The following CCDC93 variants were observed in gnomAD, a reference collection of about 807,000 sequenced individuals.
CCDC93 encodes the protein CCC complex scaffolding subunit CCDC93.
A neutral mutation model predicts 108.2 loss-of-function variants in CCDC93; 61 were observed. The observed-to-expected ratio is 0.56, with a 90% CI of 0.46 to 0.70. CCDC93 has a LOEUF of 0.70. Ranked by LOEUF, CCDC93 falls within the 30% of genes least tolerant of loss-of-function variation. CCDC93 has a pLI of 0.00. For synonymous variants in CCDC93, 276 were observed against 260.4 expected (o/e 1.06, Z -0.58); for missense variants, 685 against 764.2 (o/e 0.90, Z 1.22).
chr2:117,969,640 G>A (rs1679696869), intron 11 of CCDC93, among the ~76,000 whole-genome samples: 1 of 146,788 alleles, frequency 6.8e-6, no homozygotes, highest in Admixed American at 7.1e-5. Context: ...ACCAGGCCTT[G>A]TTGCAAAACA....
chr2:117,932,572 G>A (rs1020829208), intron 22 of CCDC93, among the ~76,000 whole-genome samples: 7 of 152,272 alleles, frequency 4.6e-5, no homozygotes, highest in Middle Eastern at 3.4e-3. Flanking sequence ...GTCTGCATAC[G>A]GATGCCTGGT....
intron 7 of CCDC93, among the ~76,000 whole-genome samples, chr2:117,984,916 G>A (rs1231657204): frequency 2.0e-5 from 3 of 152,152 alleles, no homozygotes; most frequent in Non-Finnish European, 4.4e-5. Context: ...TGTTGTTGTT[G>A]TCTTTAAATT....
intron 11 of CCDC93, among the ~76,000 whole-genome samples, chr2:117,971,791 G>C (rs955949687): frequency 6.6e-6 from 1 of 152,146 alleles, no homozygotes; most frequent in Non-Finnish European, 1.5e-5. Context: ...CAACTATGAA[G>C]ATCTGGGAAC....
intron 11 of CCDC93, among the ~76,000 whole-genome samples, chr2:117,965,836 T>TC (rs909818729): frequency 4.0e-5 from 6 of 151,804 alleles, no homozygotes; most frequent in African/African-American, 1.5e-4. Flanking sequence ...ATCTAATCAC[T>TC]CTTTCACATG....
At chr2:117,942,031 C>T (rs1678717630) in intron 18 of CCDC93, among the ~76,000 whole-genome samples, 2 of 152,242 alleles carry the variant, frequency 1.3e-5, no homozygotes, top group Non-Finnish European at 2.9e-5. Context: ...AGATGTGAAT[C>T]TCTAATTCAC....
rs773665335 is a variant in CCDC93, at chr2:118,000,953, G to A, written c.252-21C>T. 3.4e-6 allele frequency: 5 copies of A among 1,471,510 alleles called. No individual in the cohort carries two copies. The South Asian group carries it at 5.7e-5, about 17-fold the overall frequency. The allele number at this position is 1,471,510 out of a possible 1,614,324, so 91.2% of individuals were successfully genotyped here. A position where few individuals can be genotyped will look rare whatever the true frequency, so the allele number is the denominator to read the frequency against. ...GAGCTCTGTTCAGAAAAAGTAACAA[G>A]CAAAGAGTGAGGCATACTAAGTAGC... On this transcript the variant is annotated intron_variant, in intron 3 of 23. Coordinates refer to ENST00000376300, the MANE Select transcript of CCDC93 (RefSeq NM_019044.5).
chr2:117,941,050 C>T, intron 19 of CCDC93, 139 bp downstream of exon 19: 1 of 634,068 alleles, frequency 1.6e-6, no homozygotes, highest in South Asian at 1.8e-5. Context: ...GCCAAGTGGG[C>T]CTGCTGATGA....
intron 7 of CCDC93, among the ~76,000 whole-genome samples, chr2:117,981,786 C>T (rs1416775068): frequency 3.9e-5 from 6 of 152,118 alleles, no homozygotes; most frequent in African/African-American, 9.7e-5. Flanking sequence ...TCCTGAGCCA[C>T]ACTAGTCGCA....
intron 2 of CCDC93, among the ~76,000 whole-genome samples, chr2:118,008,136 T>A (rs1198713908): frequency 6.6e-6 from 1 of 152,218 alleles, no homozygotes; most frequent in African/African-American, 2.4e-5. Flanking sequence ...TGCATAGCGA[T>A]CTCTCTCTCA....
intron 16 of CCDC93, 106 bp downstream of exon 16, chr2:117,946,705 A>T: frequency 1.4e-6 from 1 of 738,516 alleles, no homozygotes; most frequent in African/African-American, 1.7e-5. Context: ...AGGAATGTCT[A>T]TTTACAGGAT....
intron 22 of CCDC93, 79 bp from the exon 23 acceptor site, chr2:117,931,229 G>T: frequency 1.2e-6 from 1 of 862,172 alleles, no homozygotes; most frequent in Non-Finnish European, 1.9e-6. Flanking sequence ...AAAGGCAACA[G>T]TTGTTAACAG....
At chr2:117,983,379 T>A (rs985082443) in intron 7 of CCDC93, among the ~76,000 whole-genome samples, 2 of 152,070 alleles carry the variant, frequency 1.3e-5, no homozygotes, top group Non-Finnish European at 2.9e-5. Flanking sequence ...ATGTATGCCA[T>A]TTTCTCCTGT....
At chr2:117,959,141 G>A (rs1036958176) in intron 11 of CCDC93, among the ~76,000 whole-genome samples, 4 of 152,122 alleles carry the variant, frequency 2.6e-5, no homozygotes, top group East Asian at 1.9e-4. Flanking sequence ...AAGATGATGA[G>A]GTGAATGTGA....
intron 11 of CCDC93, among the ~76,000 whole-genome samples, chr2:117,973,485 G>C (rs1679832703): frequency 1.3e-5 from 2 of 150,060 alleles, no homozygotes; most frequent in African/African-American, 2.5e-5. Context: ...TTTTAATAAA[G>C]TAGAACAAAA....
intron 3 of CCDC93, among the ~76,000 whole-genome samples, chr2:118,005,638 C>A (rs1051907386): frequency 2.6e-5 from 4 of 151,574 alleles, no homozygotes; most frequent in African/African-American, 9.7e-5. Flanking sequence ...ATGCCTGTGG[C>A]TCTAGCTACA....
chr2:117,990,102 G>A (rs1483792931), intron 6 of CCDC93, among the ~76,000 whole-genome samples: 1 of 152,190 alleles, frequency 6.6e-6, no homozygotes, highest in African/African-American at 2.4e-5. Flanking sequence ...AACTGTGTGG[G>A]CACCTGTTAT....
At chr2:117,975,348 G>C in intron 8 of CCDC93, 68 bp from the exon 9 acceptor site, 1 of 1,131,120 alleles carries the variant, frequency 8.8e-7, no homozygotes, top group East Asian at 2.3e-5. Context: ...GGACAATACT[G>C]ACAAGAGGCA....
Position 117,974,865 on chromosome 2 carries a change from A to T in CCDC93, c.786T>A (p.Ala262=). The T allele has an allele frequency of 6.4e-7, 1 of 1,571,938 alleles. No individual in the cohort carries two copies. Among genetic ancestry groups the T allele is most frequent in the Non-Finnish European group, 8.6e-7 (1 of 1,157,838 alleles). The change falls in exon 10 of 24, where the codon GCT becomes GCA. Residue 262 remains alanine (A), a synonymous_variant. Coordinates refer to ENST00000376300, the MANE Select transcript of CCDC93 (RefSeq NM_019044.5). ...TCCCACTCACCTCCTCATTTGCCAT[A>T]GCGGTCATCTTGGTCATCAGCGACT... ...RIQSLMTKMT[A]MANEESRLTA...
intron 8 of CCDC93, among the ~76,000 whole-genome samples, chr2:117,975,785 A>C (rs1408420432): frequency 6.6e-6 from 1 of 152,178 alleles, no homozygotes; most frequent in African/African-American, 2.4e-5. Context: ...GTGTGTACTG[A>C]ATCATGATGA....
Sources: gnomAD v4.1 joint callset for allele counts (sites outside exome capture counted in the v4.1 genomes callset) on GRCh38, gnomAD v4.1.1 for gene constraint, MANE v1.5 for transcripts, NCBI Gene and HGNC (gene_info 2026-07-23, HGNC 2026-07-21) for gene names.